SGO2: variants seen among roughly 807,000 people sequenced by gnomAD.
The protein encoded by SGO2 is shugoshin-like 2.
Under a neutral mutation model 99.5 loss-of-function variants are expected in SGO2, and 68 were observed. That is an observed-to-expected ratio of 0.68 (90% CI 0.56 to 0.84). The LOEUF is 0.84. SGO2 is among the 40% of genes least tolerant of loss of function. SGO2 has a pLI of 0.00. For synonymous variants in SGO2, 457 were observed against 487.1 expected, an observed-to-expected ratio of 0.94 and a Z score of 0.81; for missense variants, 1,350 against 1,436.7, an observed-to-expected ratio of 0.94 and a Z score of 0.97.
At chr2:200,574,005 A>G in intron 7 of SGO2, 28 bp downstream of exon 7, 1 of 1,495,020 alleles carries the variant, frequency 6.7e-7, no homozygotes, top group Non-Finnish European at 8.9e-7. Flanking sequence ...ATGAAATGAT[A>G]AAGTTTTAGA....
Position 200,573,773 on chromosome 2 carries a change from C to T in SGO2, c.3427C>T (p.His1143Tyr), listed in dbSNP as rs750767001. ...GGCATTTAGATCTTTGTCTGAGATA[C>T]ATTCACCTAACATACAAGATTCTTC... ...TKAFRSLSEI[H>Y]SPNIQDSSFD... Residue 1143 changes from histidine (H) to tyrosine (Y), a missense_variant, in exon 7 of 9, where the codon CAT (histidine) becomes TAT (tyrosine). His to Tyr is a moderately conservative substitution (Grantham distance 83, BLOSUM62 2). Coordinates refer to ENST00000357799, the MANE Select transcript of SGO2 (RefSeq NM_152524.6). The T allele has an allele frequency of 3.1e-6, 5 of 1,611,800 alleles. No individual in the cohort carries two copies. The highest frequency in any genetic ancestry group is 1.1e-5 in the South Asian group (1 of 90,676).
rs1177062563 is a variant in SGO2, at chr2:200,573,709, T to C, written c.3363T>C (p.Asn1121=). ...EQADKENNLE[N]EKMVKNKPDF... ...CTGATAAGGAAAACAATTTGGAGAA[T>C]GAGAAAATGGTCAAAAATAAGCCAG... Residue 1121 remains asparagine, a synonymous_variant, in exon 7 of 9, where the codon AAT becomes AAC. Transcript: ENST00000357799. The C allele has an allele frequency of 1.2e-6, 2 of 1,612,866 alleles. No homozygotes were observed. Among genetic ancestry groups the C allele is most frequent in the Non-Finnish European group, 1.7e-6 (2 of 1,179,426 alleles).
In SGO2 at chr2:200,543,728, G is replaced by A. The variant is rs558961670; in HGVS notation, c.473+1064G>A. On this transcript the variant is annotated intron_variant, in intron 5 of 8. Coordinates refer to ENST00000357799, the MANE Select transcript of SGO2 (RefSeq NM_152524.6). Reference sequence around the variant, plus strand: ...TTTTAATTGTTGTAATTTTAAAATAGTAAATTTTGTTGTTTATTAGATCCT... The same window carrying A: ...TTTTAATTGTTGTAATTTTAAAATAATAAATTTTGTTGTTTATTAGATCCT... The A allele has an allele frequency of 2.6e-5, 4 of 152,272 alleles. No individual in the cohort carries two copies. The South Asian group carries it at 8.3e-4, about 32-fold the overall frequency. The allele number at this position is 152,272 out of a possible 1,614,324, so 9.4% of individuals were successfully genotyped here.
rs370538671 is a variant in SGO2 at position 200,534,463 on chromosome 2, A to G, written c.134-533A>G. On this transcript the variant is annotated intron_variant, in intron 2 of 8. Transcript: ENST00000357799. The stretch of plus-strand genomic sequence containing the variant: ...AGGTCCCGTGGGGTTTAGATTATCT[A>G]TCTAACATTAGAGAAAGTATGGCTC... Among the ~76,000 whole-genome samples the G allele has an allele frequency of 1.5e-3, 232 of 152,328 alleles. 1 individual carries two copies. The highest frequency in any genetic ancestry group is 5.2e-3 in the African/African-American group (218 of 41,564).
At chr2:200,575,565 A>G in intron 8 of SGO2, 104 bp downstream of exon 8, 1 of 780,988 alleles carries the variant, frequency 1.3e-6, no homozygotes, top group Non-Finnish European at 2.0e-6. Context: ...AATAAAATGT[A>G]TATTATTGAT....
At chr2:200,546,992 G>A (rs1003117646) in intron 5 of SGO2, among the ~76,000 whole-genome samples, 5 of 152,100 alleles carry the variant, frequency 3.3e-5, no homozygotes, top group Non-Finnish European at 7.4e-5. Context: ...CAAGACATGA[G>A]AAAGATATAC....
At chr2:200,535,535 A>G (rs903923387) in intron 3 of SGO2, among the ~76,000 whole-genome samples, 4 of 152,156 alleles carry the variant, frequency 2.6e-5, no homozygotes, top group African/African-American at 4.8e-5. Flanking sequence ...TTTTAATCTC[A>G]GCATTTACCT....
At chr2:200,536,897 C>G (rs571100948) in intron 4 of SGO2, among the ~76,000 whole-genome samples, 14 of 152,216 alleles carry the variant, frequency 9.2e-5, no homozygotes, top group African/African-American at 3.1e-4. Flanking sequence ...CTACTTTCTT[C>G]TCCGTTCTGT....
chr2:200,547,703 A>C (rs1345172754), intron 5 of SGO2, among the ~76,000 whole-genome samples: 1 of 152,216 alleles, frequency 6.6e-6, no homozygotes, highest in Non-Finnish European at 1.5e-5. Flanking sequence ...GTTAAAAGCC[A>C]TAGAGTAGCT....
intron 5 of SGO2, among the ~76,000 whole-genome samples, chr2:200,567,958 C>T (rs2033254659): frequency 6.6e-6 from 1 of 152,132 alleles, no homozygotes; most frequent in African/African-American, 2.4e-5. Flanking sequence ...ATTTTCAGTT[C>T]TCTTGAATAT....
chr2:200,577,704 A>T, intron 8 of SGO2, among the ~76,000 whole-genome samples: 1 of 148,332 alleles, frequency 6.7e-6, no homozygotes, highest in East Asian at 2.0e-4. Flanking sequence ...TGCCTTGGAC[A>T]CCTTTGAAGA....
At position 200,583,868 on chromosome 2, in the gene SGO2, G is replaced by GTTT. The variant is rs2033912984; in HGVS notation, c.*404_*405insTTT. 1 of 152,884 alleles carries GTTT rather than the reference G, an allele frequency of 6.5e-6. No individual in the cohort carries two copies. The highest frequency in any genetic ancestry group is 2.1e-4 in the South Asian group (1 of 4,828). The allele number at this position is 152,884 out of a possible 1,614,324, so 9.5% of individuals were successfully genotyped here. ...TTCAATATATGTGGACATCCAAAAG[G>GTTT]GTTTAAAAGCCACCTCCTGCCCTGG... On this transcript the variant is annotated 3_prime_UTR_variant, in exon 9 of 9. Transcript: ENST00000357799.
chr2:200,554,313 A>G (rs932015969), intron 5 of SGO2, among the ~76,000 whole-genome samples: 1 of 152,198 alleles, frequency 6.6e-6, no homozygotes, highest in Non-Finnish European at 1.5e-5. Context: ...TCAGACTTAC[A>G]TTGGTTCAGT....
At chr2:200,580,743 G>A (rs2033816958) in intron 8 of SGO2, among the ~76,000 whole-genome samples, 1 of 152,172 alleles carries the variant, frequency 6.6e-6, no homozygotes, top group Admixed American at 6.5e-5. Context: ...GCTGAGGTGG[G>A]AGGATAGTTT....
At chr2:200,567,899 G>C (rs561889660) in intron 5 of SGO2, among the ~76,000 whole-genome samples, 181 of 152,272 alleles carry the variant, frequency 1.2e-3, no homozygotes, top group African/African-American at 4.1e-3. Context: ...TGGCTATTAT[G>C]AATAATGCTG....
intron 5 of SGO2, among the ~76,000 whole-genome samples, chr2:200,555,965 T>TTTTG (rs1269034143): frequency 2.6e-5 from 4 of 152,126 alleles, no homozygotes; most frequent in African/African-American, 7.2e-5. Context: ...TATCCGCTTT[T>TTTTG]TTTGTTTGTT....
Position 200,563,468 on chromosome 2 carries a change from T to C in SGO2, c.474-6195T>C, listed in dbSNP as rs1005212655. Among the ~76,000 whole-genome samples the C allele has an allele frequency of 1.1e-4, 17 of 152,362 alleles. No homozygotes were observed. The Middle Eastern group carries it at 0.01, about 91-fold the overall frequency. ...TGCAGGATTTGGTTTGCCAGTATTTTATTAAGGATTCTTGCATCGATGTTC... is the reference window on the plus strand; with the variant it reads ...TGCAGGATTTGGTTTGCCAGTATTTCATTAAGGATTCTTGCATCGATGTTC... On this transcript the variant is annotated intron_variant, in intron 5 of 8. Coordinates refer to ENST00000357799, the MANE Select transcript of SGO2 (RefSeq NM_152524.6).
intron 2 of SGO2, 148 bp from the exon 3 acceptor site, chr2:200,534,848 T>C (rs1057399407): frequency 7.6e-6 from 4 of 524,150 alleles, no homozygotes; most frequent in Admixed American, 4.5e-5. Flanking sequence ...GGGTTTATTT[T>C]TCTCAAAACT....
At position 200,569,880 on chromosome 2, in the gene SGO2, G is replaced by T. The variant is rs2106341717; in HGVS notation, c.691G>T (p.Val231Leu). The change falls in exon 6 of 9, where the codon GTA becomes TTA. Residue 231 changes from valine (V) to leucine (L), a missense_variant. Val to Leu is a conservative substitution (Grantham distance 32). Transcript: ENST00000357799. ...AGAACATATTTCTTCTATAGTTGAT[G>T]TACCTCCCAGAGGTGAGATTGTTTT... ...DSEHISSIVD[V>L]PPRESHSHSD... 6.3e-7 allele frequency: 1 copy of T among 1,578,402 alleles called. No homozygotes were observed. The highest frequency in any genetic ancestry group is 8.7e-7 in the Non-Finnish European group (1 of 1,148,960).
Sources: allele counts gnomAD v4.1 joint callset (sites outside exome capture counted in the v4.1 genomes callset), GRCh38; gene constraint gnomAD v4.1.1; transcripts MANE v1.5; gene names NCBI Gene and HGNC (gene_info 2026-07-23, HGNC 2026-07-21).